The following CNKSR2 variants were observed in gnomAD, a reference collection of about 807,000 sequenced individuals.
CNKSR2 encodes CNK homolog protein 2.
CNKSR2 carries 14 observed loss-of-function variants against 84.4 expected under a neutral mutation model. The observed-to-expected ratio is 0.17, with a 90% CI of 0.11 to 0.26. The LOEUF is 0.26. Ranked by LOEUF, CNKSR2 falls within the 10% of genes least tolerant of loss-of-function variation. CNKSR2 has a pLI of 1.00. For missense variants in CNKSR2, 485 were observed against 771.2 expected (o/e 0.63, Z 4.40); for synonymous variants, 275 against 277.9 (o/e 0.99, Z 0.10).
Position 21,479,777 on chromosome X carries a change from C to T in CNKSR2, c.561+8970C>T, listed in dbSNP as rs762194660. On this transcript the variant is annotated intron_variant, in intron 5 of 21. Coordinates refer to ENST00000379510, the MANE Select transcript of CNKSR2 (RefSeq NM_014927.5). ...TGCCAGGCAAGTGGAAGACAACCTT[C>T]GAGGATGTAGGCAAATGATGCTGCT... Among the ~76,000 whole-genome samples the T allele has an allele frequency of 5.5e-5, 6 of 109,724 alleles. No individual in the cohort carries two copies. The East Asian group carries it at 8.7e-4, about 16-fold the overall frequency.
At chrX:21,545,039 C>T (rs1411090228) in intron 11 of CNKSR2, among the ~76,000 whole-genome samples, 3 of 110,902 alleles carry the variant, frequency 2.7e-5, no homozygotes, top group African/African-American at 9.8e-5. Flanking sequence ...CGAGACAGAA[C>T]CATTCACTCC....
intron 8 of CNKSR2, among the ~76,000 whole-genome samples, chrX:21,512,061 CTG>C (rs1322982602): frequency 2.7e-5 from 3 of 111,957 alleles, no homozygotes; most frequent in Non-Finnish European, 5.6e-5. Flanking sequence ...GAGGTACAGA[CTG>C]TGCTGCATTC....
At chrX:21,472,219 G>A (rs759364259) in intron 5 of CNKSR2, among the ~76,000 whole-genome samples, 9 of 111,680 alleles carry the variant, frequency 8.1e-5, no homozygotes, top group Non-Finnish European at 1.5e-4. Context: ...TTTATTTTCT[G>A]TGAGTGACTG....
intron 7 of CNKSR2, among the ~76,000 whole-genome samples, chrX:21,500,506 C>T (rs935833056): frequency 9.0e-6 from 1 of 111,041 alleles, no homozygotes; most frequent in Non-Finnish European, 1.9e-5. Context: ...TAGATAAACA[C>T]ATACACATCT....
At chrX:21,386,910 C>T (rs187651380) in intron 1 of CNKSR2, among the ~76,000 whole-genome samples, 15 of 112,009 alleles carry the variant, frequency 1.3e-4, no homozygotes, top group African/African-American at 4.5e-4. Flanking sequence ...TCCTAAATTG[C>T]TCATTATCCT....
At chrX:21,467,592 C>T (rs2091144621) in intron 4 of CNKSR2, among the ~76,000 whole-genome samples, 1 of 111,759 alleles carries the variant, frequency 8.9e-6, no homozygotes, top group Non-Finnish European at 1.9e-5. Flanking sequence ...AATAACTTTA[C>T]ATACGTAAGT....
intron 10 of CNKSR2, among the ~76,000 whole-genome samples, chrX:21,530,224 C>A (rs966798807): frequency 9.0e-6 from 1 of 111,506 alleles, no homozygotes; most frequent in African/African-American, 3.2e-5. Context: ...ATAAGCAATA[C>A]TTTTATTTTA....
At chrX:21,385,033 T>G (rs1400952828) in intron 1 of CNKSR2, among the ~76,000 whole-genome samples, 6 of 111,835 alleles carry the variant, frequency 5.4e-5, no homozygotes, top group Non-Finnish European at 1.9e-5. Flanking sequence ...GGATTTACAA[T>G]TTAGTGGGCA....
rs1005716524 is a variant in CNKSR2 at position 21,497,677 on chromosome X, G to A, written c.682-110G>A. 1.1e-4 allele frequency: 51 copies of A among 482,256 alleles called. 1 individual carries two copies. The highest frequency in any genetic ancestry group is 1.8e-4 in the Non-Finnish European group (48 of 269,334). The allele number at this position is 482,256 out of a possible 1,213,427, so 39.7% of individuals were successfully genotyped here. ...GTCTTCATGGATTTATTTCTGGGGC[G>A]TGTGGCAGTTTTAATTTGATAGAGT... On this transcript the variant is annotated intron_variant, in intron 6 of 21. Transcript: ENST00000379510.
chrX:21,642,654 G>A lies in CNKSR2; in HGVS notation c.2693-6177G>A, dbSNP rs751306907. The A allele has an allele frequency of 6.0e-5, 44 of 737,686 alleles. No individual in the cohort carries two copies. The Admixed American group carries it at 2.0e-3, about 34-fold the overall frequency. The allele number at this position is 737,686 out of a possible 1,213,427, so 60.8% of individuals were successfully genotyped here. ...GAAATGTTTTTTTCTTCCTGTCACC[G>A]CAGTGTGTGGTATTGCATAATGTGA... On this transcript the variant is annotated intron_variant, in intron 20 of 21. Coordinates refer to ENST00000379510, the MANE Select transcript of CNKSR2 (RefSeq NM_014927.5).
At chrX:21,517,438 C>T (rs1425560716) in intron 9 of CNKSR2, among the ~76,000 whole-genome samples, 1 of 110,679 alleles carries the variant, frequency 9.0e-6, no homozygotes, top group Non-Finnish European at 1.9e-5. Context: ...TCTTTCCACC[C>T]TGTAAGGTGG....
Position 21,597,136 on chromosome X carries a change from A to G in CNKSR2, c.1976+1741A>G, listed in dbSNP as rs1036731973. The stretch of plus-strand genomic sequence containing the variant: ...AATTAATACAATGTAATCATTCACA[A>G]TACATGCTAATTGGGATCTTTTTAA... On this transcript the variant is annotated intron_variant, in intron 17 of 21. Transcript: ENST00000379510. Among the ~76,000 whole-genome samples the G allele has an allele frequency of 5.4e-5, 6 of 111,798 alleles. No homozygotes were observed. In the South Asian group the frequency reaches 1.5e-3, roughly 28 times the overall value.
intron 5 of CNKSR2, among the ~76,000 whole-genome samples, chrX:21,473,503 A>G (rs964878694): frequency 1.8e-5 from 2 of 109,511 alleles, no homozygotes; most frequent in African/African-American, 6.7e-5. Flanking sequence ...TGAGTCTAAA[A>G]AACTGTCTGA....
chrX:21,575,761 T>C (rs193247406), intron 13 of CNKSR2, among the ~76,000 whole-genome samples: 78 of 111,650 alleles, frequency 7.0e-4, no homozygotes, highest in African/African-American at 2.4e-3. Context: ...GCCAACGGAC[T>C]CTCTTTAGCC....
rs1316192561 is a variant in CNKSR2 at position 21,635,379 on chromosome X, TG to T, written c.2693-13451del. Among the ~76,000 whole-genome samples, 4 of 40,905 alleles carry T rather than the reference TG, an allele frequency of 9.8e-5. No homozygotes were observed. The East Asian group carries it at 2.2e-3, about 22-fold the overall frequency. 35.5% of individuals were successfully genotyped at this position (40,905 alleles called of 115,157 possible). On this transcript the variant is annotated intron_variant, in intron 20 of 21. Transcript: ENST00000379510. ...AGTCTGAAATTTGATCTAAAATAAA[TG>T]TGTGTGTGTGTGTGTGTGTGTGTGT...
intron 8 of CNKSR2, among the ~76,000 whole-genome samples, chrX:21,513,124 A>T (rs989966184): frequency 7.1e-5 from 8 of 112,275 alleles, no homozygotes; most frequent in Non-Finnish European, 1.1e-4. Context: ...CAAGCTAAAC[A>T]GTTGGAAATA....
chrX:21,440,355 C>T (rs1196845461), intron 3 of CNKSR2, among the ~76,000 whole-genome samples: 1 of 111,347 alleles, frequency 9.0e-6, no homozygotes, highest in Non-Finnish European at 1.9e-5. Flanking sequence ...ATCTTAGATT[C>T]TTTTGAAAAT....
In CNKSR2 at chrX:21,490,701, T is replaced by C. The variant is rs1252635678; in HGVS notation, c.681+123T>C. On this transcript the variant is annotated intron_variant, in intron 6 of 21. Coordinates refer to ENST00000379510, the MANE Select transcript of CNKSR2 (RefSeq NM_014927.5). ...CAGACACTGAACATTTTGGTATTTT[T>C]TTCCTGGAGGAGTTATGGTAGTGGA... is the stretch of plus-strand genomic sequence containing the variant. 3 of 729,378 alleles carry C rather than the reference T, an allele frequency of 4.1e-6. No individual in the cohort carries two copies. The Admixed American group carries it at 1.3e-4, about 32-fold the overall frequency. 60.1% of individuals were successfully genotyped at this position (729,378 alleles called of 1,213,427 possible).
intron 11 of CNKSR2, among the ~76,000 whole-genome samples, chrX:21,537,489 G>C (rs939720807): frequency 1.8e-5 from 2 of 111,021 alleles, no homozygotes; most frequent in African/African-American, 6.5e-5. Context: ...TATTATATAG[G>C]GGTCTATCTC....
Sources: allele counts gnomAD v4.1 joint callset (sites outside exome capture counted in the v4.1 genomes callset), GRCh38; gene constraint gnomAD v4.1.1; transcripts MANE v1.5; gene names NCBI Gene and HGNC (gene_info 2026-07-23, HGNC 2026-07-21).